The following PCDHGA4 variants were observed in gnomAD, a reference collection of about 807,000 sequenced individuals.
PCDHGA4 encodes protocadherin gamma subfamily A, 4.
PCDHGA4 carries 38 observed loss-of-function variants against 54.6 expected under a neutral mutation model. The observed-to-expected ratio is 0.70, with a 90% CI of 0.54 to 0.91. The LOEUF (loss-of-function observed/expected upper bound fraction) is 0.91, where lower values mean the gene tolerates loss of function less well. PCDHGA4 is among the 40% of genes least tolerant of loss of function. The pLI is 0.00. For synonymous variants in PCDHGA4, 511 were observed against 512.9 expected, an observed-to-expected ratio of 1.00 and a Z score of 0.05; for missense variants, 1,298 against 1,220.9, an observed-to-expected ratio of 1.06 and a Z score of -0.94.
At chr5:141,399,291 T>A in intron 1 of PCDHGA4, 1 of 1,613,954 alleles carries the variant, frequency 6.2e-7, no homozygotes, top group East Asian at 2.2e-5. Context: ...AAGTCCCTTT[T>A]AAGATTATCT....
At position 141,375,555 on chromosome 5, in the gene PCDHGA4, T is replaced by G. The variant is rs535412919; in HGVS notation, c.2514+17934T>G. 50 of 1,614,076 alleles carry G rather than the reference T, an allele frequency of 3.1e-5. No homozygotes were observed. In the Admixed American group the frequency reaches 5.5e-4, roughly 18 times the overall value. On this transcript the variant is annotated intron_variant, in intron 1 of 3. Transcript: ENST00000571252. ...CAGAACGCCCAAGTCTCCTACTCAC[T>G]GGCAGAAGACACCCTCCAGGGGGCG... is the stretch of plus-strand genomic sequence containing the variant.
chr5:141,382,029 A>G (rs574099831), intron 1 of PCDHGA4, among the ~76,000 whole-genome samples: 1 of 151,502 alleles, frequency 6.6e-6, no homozygotes, highest in Non-Finnish European at 1.5e-5. Context: ...GGGTTTCTCC[A>G]TGTTGGTCAG....
At chr5:141,379,227 T>C (rs1355383312) in intron 1 of PCDHGA4, 3 of 152,248 alleles carry the variant, frequency 2.0e-5, no homozygotes, top group Non-Finnish European at 4.4e-5. Flanking sequence ...TATGTGTTTT[T>C]CTGAACCAAT....
Position 141,494,802 on chromosome 5 carries a change from C to T in PCDHGA4, c.2515-5C>T. 5 of 1,614,120 alleles carry T rather than the reference C, an allele frequency of 3.1e-6. No individual in the cohort carries two copies. The highest frequency in any genetic ancestry group is 4.2e-6 in the Non-Finnish European group (5 of 1,180,016). ...TCAGCCCCTTTCCCTCTGTTTTCTC[C>T]ACAGCAAGCCCCGCCCAACACGGAC... is the stretch of plus-strand genomic sequence containing the variant. On this transcript the variant is annotated splice_polypyrimidine_tract_variant and splice_region_variant and intron_variant, in intron 1 of 3. Transcript: ENST00000571252.
chr5:141,389,957 G>A (rs2091985321), intron 1 of PCDHGA4: 2 of 1,614,080 alleles, frequency 1.2e-6, no homozygotes, highest in Non-Finnish European at 1.7e-6. Flanking sequence ...TTTACCTAGT[G>A]GTGGCCTTGG....
chr5:141,490,589 A>G lies in PCDHGA4; in HGVS notation c.2515-4218A>G, dbSNP rs761250654. On this transcript the variant is annotated intron_variant, in intron 1 of 3. Transcript: ENST00000571252. The surrounding 1 kb of genome is among the most constrained non-coding windows in gnomAD (Gnocchi z 5.4). ...CTCAACATTTCAGATGTCAATGACA[A>G]TGCACCCCGCTTCAACCAGCAGCTT... The G allele has an allele frequency of 5.7e-5, 92 of 1,614,042 alleles. No individual in the cohort carries two copies. Among genetic ancestry groups the G allele is most frequent in the Non-Finnish European group, 7.6e-5 (90 of 1,180,036 alleles).
intron 1 of PCDHGA4, chr5:141,365,861 A>T (rs755321974): frequency 3.1e-6 from 5 of 1,613,912 alleles, no homozygotes; most frequent in Non-Finnish European, 4.2e-6. Context: ...TAACTCTGAC[A>T]CCGGTGTCCT....
intron 1 of PCDHGA4, chr5:141,427,447 T>A (rs556527924): frequency 1.9e-4 from 92 of 483,324 alleles, no homozygotes; most frequent in African/African-American, 1.4e-3. Context: ...AACGAAAGAG[T>A]TCCTTTTAGA....
At chr5:141,413,824 A>G (rs1265406182) in intron 1 of PCDHGA4, 1 of 1,613,114 alleles carries the variant, frequency 6.2e-7, no homozygotes, top group Middle Eastern at 1.6e-4. Context: ...CCTGGTCCTC[A>G]CCGCCTCCGA....
chr5:141,355,932 G>T lies in PCDHGA4; in HGVS notation c.825G>T (p.Gln275His), dbSNP rs139771811. The T allele has an allele frequency of 2.6e-4, 413 of 1,613,772 alleles. 2 individuals are homozygous for T. The African/African-American group carries it at 4.6e-3, about 18-fold the overall frequency. Reference protein sequence around the residue: ...DTNDNAPVFTQPEYHVSVREN... With the variant: ...DTNDNAPVFTHPEYHVSVREN... Reference sequence around the variant, plus strand: ...ACGATAATGCTCCCGTGTTCACTCAGCCCGAGTACCACGTAAGTGTTCGTG... The same window carrying T: ...ACGATAATGCTCCCGTGTTCACTCATCCCGAGTACCACGTAAGTGTTCGTG... The change falls in exon 1 of 4, where the codon CAG becomes CAT. Residue 275 changes from glutamine (Q) to histidine (H), a missense_variant. Transcript: ENST00000571252.
chr5:141,464,769 T>C (rs2154568595), intron 1 of PCDHGA4, among the ~76,000 whole-genome samples: 1 of 152,328 alleles, frequency 6.6e-6, no homozygotes. Flanking sequence ...ACAGGAATCT[T>C]GTTCTGTTGC....
intron 1 of PCDHGA4, chr5:141,403,432 G>A: frequency 1.2e-6 from 2 of 1,614,018 alleles, no homozygotes; most frequent in Non-Finnish European, 1.7e-6. Flanking sequence ...CTATTGATCC[G>A]GATGTTGGCG....
chr5:141,455,107 C>T (rs1027661420), intron 1 of PCDHGA4, among the ~76,000 whole-genome samples: 20 of 151,774 alleles, frequency 1.3e-4, no homozygotes, highest in Non-Finnish European at 2.4e-4. Context: ...CCACTGCGCC[C>T]GGTGGGTCTA....
At chr5:141,492,952 C>T (rs1428667098) in intron 1 of PCDHGA4, among the ~76,000 whole-genome samples, 1 of 152,242 alleles carries the variant, frequency 6.6e-6, no homozygotes, top group Non-Finnish European at 1.5e-5. Context: ...GGTGACCAAA[C>T]TATCTGACAC....
intron 1 of PCDHGA4, chr5:141,422,204 GAGGTCTCTTTACCA>G: frequency 6.4e-7 from 1 of 1,562,138 alleles, no homozygotes. Flanking sequence ...CAAGATGGTG[GAGGTCTCTTTACCA>G]CCACGACGAT....
At chr5:141,384,593 C>A (rs1449911634) in intron 1 of PCDHGA4, 3 of 1,614,252 alleles carry the variant, frequency 1.9e-6, no homozygotes, top group South Asian at 1.1e-5. Context: ...ATCCTGTACC[C>A]GGCCCTCCCC....
chr5:141,487,670 T>A lies in PCDHGA4; in HGVS notation c.2515-7137T>A. The A allele has an allele frequency of 6.2e-7, 1 of 1,612,302 alleles. No homozygotes were observed. Among genetic ancestry groups the A allele is most frequent in the Non-Finnish European group, 8.5e-7 (1 of 1,179,082 alleles). ...TGAGGGTTATTCTGATCCAGGCATA[T>A]GGCTAGGCCATGTCCTAGAGAGTAC... On this transcript the variant is annotated intron_variant, in intron 1 of 3. Transcript: ENST00000571252. This position sits in a 1 kb window ranked among gnomAD's most constrained non-coding sequence, Gnocchi z 5.0.
intron 1 of PCDHGA4, among the ~76,000 whole-genome samples, chr5:141,396,932 T>C (rs2093455423): frequency 6.6e-6 from 1 of 152,230 alleles, no homozygotes; most frequent in Non-Finnish European, 1.5e-5. Flanking sequence ...CGGATGAAAG[T>C]TGCCCTGGTA....
chr5:141,371,532 G>A lies in PCDHGA4; in HGVS notation c.2514+13911G>A. ...ACATGATCTAGATTCTGGATTTAAT[G>A]GAGAAATCCTATGCCAACTAAAAGG... On this transcript the variant is annotated intron_variant, in intron 1 of 3. Transcript: ENST00000571252. The A allele has an allele frequency of 6.2e-7, 1 of 1,613,660 alleles. No individual in the cohort carries two copies. Among genetic ancestry groups the A allele is most frequent in the Non-Finnish European group, 8.5e-7 (1 of 1,179,684 alleles).
Sources: gnomAD v4.1 joint callset for allele counts (sites outside exome capture counted in the v4.1 genomes callset) on GRCh38, gnomAD v4.1.1 for gene constraint, Gnocchi (gnomAD v3.1) non-coding constraint, MANE v1.5 for transcripts, NCBI Gene and HGNC (gene_info 2026-07-23, HGNC 2026-07-21) for gene names.